The following ERC2 variants were observed in gnomAD, a reference collection of about 807,000 sequenced individuals.
ERC2 encodes the protein ELKS/RAB6-interacting/CAST family member 2.
Under a neutral mutation model 114.8 loss-of-function variants are expected in ERC2, and 42 were observed. That is an observed-to-expected ratio of 0.37 (90% CI 0.29 to 0.47). The LOEUF (loss-of-function observed/expected upper bound fraction) is 0.47. ERC2 is among the 20% of genes least tolerant of loss of function. The pLI is 0.99. For synonymous variants in ERC2, 454 were observed against 425.5 expected, an observed-to-expected ratio of 1.07 and a Z score of -0.82; for missense variants, 939 against 1,150.7, an observed-to-expected ratio of 0.82 and a Z score of 2.66.
At chr3:55,714,645 G>C (rs1183163320) in intron 15 of ERC2, among the ~76,000 whole-genome samples, 1 of 57,718 alleles carries the variant, frequency 1.7e-5, no homozygotes, top group African/African-American at 1.1e-4. Context: ...ATATATGTGT[G>C]TGTGTGTGTG....
At chr3:55,904,893 C>T (rs1423770386) in intron 13 of ERC2, among the ~76,000 whole-genome samples, 1 of 152,228 alleles carries the variant, frequency 6.6e-6, no homozygotes, top group Non-Finnish European at 1.5e-5. Flanking sequence ...TTTTCACGGT[C>T]ATTCCTGCTA....
chr3:55,827,370 GAGAC>G (rs2060370973), intron 14 of ERC2, among the ~76,000 whole-genome samples: 1 of 151,276 alleles, frequency 6.6e-6, no homozygotes, highest in Non-Finnish European at 1.5e-5. Flanking sequence ...TAAGAAGAAA[GAGAC>G]AGAAAGAAAG....
At chr3:56,376,274 C>G (rs1402083452) in intron 2 of ERC2, among the ~76,000 whole-genome samples, 1 of 152,144 alleles carries the variant, frequency 6.6e-6, no homozygotes, top group Non-Finnish European at 1.5e-5. Flanking sequence ...AAAATATCTA[C>G]CAAACTCTCT....
chr3:56,193,155 T>C (rs1225318809), intron 3 of ERC2, among the ~76,000 whole-genome samples: 1 of 152,184 alleles, frequency 6.6e-6, no homozygotes, highest in Admixed American at 6.5e-5. Context: ...AAAAGAGTAG[T>C]TTAGAAAACA....
intron 14 of ERC2, among the ~76,000 whole-genome samples, chr3:55,843,625 C>T (rs2061229529): frequency 6.6e-6 from 1 of 152,196 alleles, no homozygotes; most frequent in Non-Finnish European, 1.5e-5. Context: ...CAGCTTCTTT[C>T]TGAAGGCTTG....
chr3:55,868,644 A>G (rs1328162843), intron 14 of ERC2, among the ~76,000 whole-genome samples: 1 of 152,132 alleles, frequency 6.6e-6, no homozygotes, highest in South Asian at 2.1e-4. Context: ...ACCATTCCAT[A>G]ATTTTGATCA....
intron 4 of ERC2, 45 bp from the exon 5 acceptor site, chr3:56,149,177 T>G (rs924011800): frequency 2.7e-6 from 4 of 1,501,088 alleles, no homozygotes; most frequent in Non-Finnish European, 3.6e-6. Context: ...AGAATAAAAA[T>G]TATTTTTAAG....
intron 13 of ERC2, among the ~76,000 whole-genome samples, chr3:55,910,981 C>G (rs537773867): frequency 6.6e-6 from 1 of 152,212 alleles, no homozygotes; most frequent in African/African-American, 2.4e-5. Flanking sequence ...GCAATCCCTG[C>G]ACTCATGGTG....
At chr3:55,803,627 A>G (rs1481117058) in intron 14 of ERC2, among the ~76,000 whole-genome samples, 1 of 151,962 alleles carries the variant, frequency 6.6e-6, no homozygotes, top group Non-Finnish European at 1.5e-5. Context: ...TTAACTGCCA[A>G]TATTTCTTAA....
chr3:56,299,119 GTTTT>G (rs1162614631), intron 2 of ERC2, among the ~76,000 whole-genome samples: 40 of 108,142 alleles, frequency 3.7e-4, no homozygotes, highest in Admixed American at 8.3e-4. Flanking sequence ...TTTTTTTTTT[GTTTT>G]TTTTTTTGTT....
chr3:55,721,918 T>C (rs2064578471), intron 15 of ERC2, among the ~76,000 whole-genome samples: 1 of 152,168 alleles, frequency 6.6e-6, no homozygotes, highest in South Asian at 2.1e-4. Context: ...GCTGTGTTTG[T>C]AATTCTAGGA....
chr3:56,121,464 A>G (rs1021482589), intron 6 of ERC2, among the ~76,000 whole-genome samples: 1 of 152,196 alleles, frequency 6.6e-6, no homozygotes, highest in Non-Finnish European at 1.5e-5. Context: ...GGCTTACTTG[A>G]ACCTATATAC....
At chr3:55,817,566 A>G (rs2059952248) in intron 14 of ERC2, among the ~76,000 whole-genome samples, 1 of 152,184 alleles carries the variant, frequency 6.6e-6, no homozygotes, top group Non-Finnish European at 1.5e-5. Flanking sequence ...TGACTCATAT[A>G]TTTATTAGAA....
At chr3:56,436,942 A>G (rs2062047640) in intron 1 of ERC2, among the ~76,000 whole-genome samples, 1 of 152,222 alleles carries the variant, frequency 6.6e-6, no homozygotes, top group Non-Finnish European at 1.5e-5. Context: ...AGTTACCATC[A>G]TCTATCATCT....
intron 17 of ERC2, among the ~76,000 whole-genome samples, chr3:55,541,548 A>T (rs1296413666): frequency 6.6e-6 from 1 of 152,244 alleles, no homozygotes; most frequent in Non-Finnish European, 1.5e-5. Context: ...CTTGGCTCTT[A>T]TCTGGCTTGT....
In ERC2 at chr3:56,434,855, G is replaced by A. The variant is rs1238280838; in HGVS notation, c.153C>T (p.Ser51=). The A allele has an allele frequency of 6.2e-7, 1 of 1,613,772 alleles. No individual in the cohort carries two copies. Among genetic ancestry groups the A allele is most frequent in the East Asian group, 2.2e-5 (1 of 44,858 alleles). The change falls in exon 2 of 18, where the codon TCC becomes TCT. Residue 51 remains serine, a synonymous_variant. Transcript: ENST00000288221. The stretch of plus-strand genomic sequence containing the variant: ...CAGACGTAGCATAGGCTGCATTGAG[G>A]GACTGGATATTCTCCATAGACAGAG... ...GKTLSMENIQ[S]LNAAYATSGP...
chr3:56,445,491 C>T lies in ERC2; in HGVS notation c.-140-10344G>A, dbSNP rs1255679583. Among the ~76,000 whole-genome samples the T allele has an allele frequency of 2.6e-5, 4 of 152,200 alleles. No homozygotes were observed. In the East Asian group the frequency reaches 7.7e-4, roughly 29 times the overall value. On this transcript the variant is annotated intron_variant, in intron 1 of 17. Coordinates refer to ENST00000288221, the MANE Select transcript of ERC2 (RefSeq NM_015576.3). ...CTCCTAAAGCTTCTCCTCTTATCGTCCTCTACTCTTATTTCCAAAATATCA... is the reference window on the plus strand; with the variant it reads ...CTCCTAAAGCTTCTCCTCTTATCGTTCTCTACTCTTATTTCCAAAATATCA...
At chr3:55,524,585 AAG>A (rs2053187367) in intron 17 of ERC2, among the ~76,000 whole-genome samples, 2 of 147,872 alleles carry the variant, frequency 1.4e-5, no homozygotes, top group Non-Finnish European at 3.0e-5. Context: ...CCTGGACAGG[AAG>A]ACTTGGGAAG....
chr3:56,065,974 G>A (rs1233516661), intron 7 of ERC2, among the ~76,000 whole-genome samples: 1 of 152,104 alleles, frequency 6.6e-6, no homozygotes, highest in Non-Finnish European at 1.5e-5. Flanking sequence ...TTGATTCCAT[G>A]TCTTTGCTAT....
Sources: gnomAD v4.1 joint callset for allele counts (sites outside exome capture counted in the v4.1 genomes callset) on GRCh38, gnomAD v4.1.1 for gene constraint, MANE v1.5 for transcripts, NCBI Gene and HGNC (gene_info 2026-07-23, HGNC 2026-07-21) for gene names.